Variants in USP39 observed in about 807,000 individuals in gnomAD.
USP39 encodes the protein ubiquitin specific peptidase 39, also known as ubiquitin carboxyl-terminal hydrolase 39.
USP39 carries 38 observed loss-of-function variants against 66.4 expected under a neutral mutation model. The ratio of observed to expected loss-of-function variants is 0.57; its 90% confidence interval spans 0.44 to 0.75. The LOEUF (loss-of-function observed/expected upper bound fraction) is 0.75. Ranked by LOEUF, USP39 falls within the 30% of genes least tolerant of loss-of-function variation. The pLI is 0.00. For synonymous variants in USP39, 303 were observed against 274.6 expected, an observed-to-expected ratio of 1.10 and a Z score of -1.02; for missense variants, 608 against 714.4, an observed-to-expected ratio of 0.85 and a Z score of 1.70.
chr2:85,615,297 G>A (rs771636186), upstream of USP39, among the ~76,000 whole-genome samples: 57 of 152,136 alleles, frequency 3.7e-4, no homozygotes, highest in Middle Eastern at 3.2e-3. Context: ...TGGTATTATA[G>A]GCATGAGCCA....
intron 5 of USP39, among the ~76,000 whole-genome samples, chr2:85,627,187 C>G (rs1674938035): frequency 6.6e-6 from 1 of 151,934 alleles, no homozygotes; most frequent in Non-Finnish European, 1.5e-5. Context: ...ACCTCTGCTC[C>G]CCAGGTTCAA....
At chr2:85,616,720 C>T (rs1262869094) in intron 1 of USP39, among the ~76,000 whole-genome samples, 1 of 146,482 alleles carries the variant, frequency 6.8e-6, no homozygotes, top group Non-Finnish European at 1.5e-5. Flanking sequence ...TTCTGTCACC[C>T]AGGATGGAGT....
chr2:85,627,958 T>C (rs1675002108), intron 5 of USP39, among the ~76,000 whole-genome samples: 1 of 152,176 alleles, frequency 6.6e-6, no homozygotes, highest in South Asian at 2.1e-4. Context: ...TTCTGCTAGT[T>C]CTTATTTGGC....
At position 85,616,251 on chromosome 2, in the gene USP39, C is replaced by G. The variant is rs1673928382; in HGVS notation, c.56C>G (p.Ser19Cys). Residue 19 changes from serine (S) to cysteine (C), a missense_variant, in exon 1 of 13, where the codon TCT (serine) becomes TGT (cysteine). Ser to Cys is a moderately radical substitution (Grantham distance 112, BLOSUM62 -1). Transcript: ENST00000323701. ...SRGSTRGKRE[S>C]ESRGSSGRVK... ...GGTTCCACTCGCGGGAAGCGAGAGT[C>G]TGAGTCGCGGGGCAGCTCCGGTCGC... The G allele has an allele frequency of 2.0e-6, 3 of 1,508,318 alleles. No individual in the cohort carries two copies. The highest frequency in any genetic ancestry group is 2.7e-6 in the Non-Finnish European group (3 of 1,126,264). 93.4% of individuals were successfully genotyped at this position (1,508,318 alleles called of 1,614,324 possible). A position where few individuals can be genotyped will look rare whatever the true frequency, so the allele number is the denominator to read the frequency against.
Position 85,602,976 on chromosome 2 carries a change from T to G in USP39, n.121T>G, listed in dbSNP as rs1251353790. ...GGGGAAGCGTCAGCAGGTGGGGATC[T>G]CGGGGCAGCCTGCATTCCAGCTCTA... On this transcript the variant is annotated non_coding_transcript_exon_variant, in exon 1 of 13. Coordinates refer to the USP39 transcript ENST00000459775. This position sits in a 1 kb window ranked among gnomAD's most constrained non-coding sequence, Gnocchi z 5.6. The G allele has an allele frequency of 6.6e-6, 1 of 152,370 alleles. No homozygotes were observed. Among genetic ancestry groups the G allele is most frequent in the African/African-American group, 2.4e-5 (1 of 41,464 alleles). The allele number at this position is 152,370 out of a possible 1,614,324, so 9.4% of individuals were successfully genotyped here. A position where few individuals can be genotyped will look rare whatever the true frequency, so the allele number is the denominator to read the frequency against.
intron 7 of USP39, among the ~76,000 whole-genome samples, chr2:85,636,620 C>T (rs143348058): frequency 1.3e-4 from 20 of 152,274 alleles, no homozygotes; most frequent in African/African-American, 4.6e-4. Context: ...TCTTCTCCCT[C>T]AGTCTCCCAA....
upstream of USP39, chr2:85,611,971 G>A (rs1038166933): frequency 5.3e-6 from 8 of 1,517,046 alleles, no homozygotes; most frequent in African/African-American, 9.9e-5. Flanking sequence ...CCGGGGATGC[G>A]GCCCCGCCTC....
chr2:85,612,390 C>G, upstream of USP39: 1 of 1,534,976 alleles, frequency 6.5e-7, no homozygotes, highest in South Asian at 1.2e-5. Flanking sequence ...CCATCGCCAT[C>G]TGCGTGACTT....
chr2:85,622,136 T>A (rs908275904), intron 3 of USP39, among the ~76,000 whole-genome samples: 2 of 150,188 alleles, frequency 1.3e-5, no homozygotes, highest in Non-Finnish European at 1.5e-5. Context: ...TTTTTTTTTT[T>A]AAGAGATGGA....
rs367665307 is a variant in USP39 at position 85,622,034 on chromosome 2, G to A, written c.433+455G>A. Among the ~76,000 whole-genome samples the A allele has an allele frequency of 5.0e-4, 76 of 152,042 alleles. 2 individuals are homozygous for A. The South Asian group carries it at 0.011, about 22-fold the overall frequency. ...GGGGTTTCACCATGTTGGCCAGGTT[G>A]GTCTTGAACTCCTGGCCGCAGGTGA... is the stretch of plus-strand genomic sequence containing the variant. On this transcript the variant is annotated intron_variant, in intron 3 of 12. Transcript: ENST00000323701.
chr2:85,646,278 A>T (rs1415882463), intron 11 of USP39: 3 of 152,208 alleles, frequency 2.0e-5, no homozygotes, highest in African/African-American at 7.2e-5. Context: ...TATTAGCATA[A>T]ATTGTTCTCA....
upstream of USP39, chr2:85,608,701 C>CAA (rs5832651): frequency 8.1e-4 from 45 of 55,442 alleles, 1 homozygote; most frequent in South Asian, 3.5e-3. Context: ...ACAAAATCCT[C>CAA]AAAAAAAAAA....
At chr2:85,624,025 T>C (rs1439901365) in intron 4 of USP39, among the ~76,000 whole-genome samples, 1 of 152,180 alleles carries the variant, frequency 6.6e-6, no homozygotes, top group Non-Finnish European at 1.5e-5. Flanking sequence ...TGAAGAAATA[T>C]GGGTGTATTC....
upstream of USP39, chr2:85,608,948 G>A (rs1433612518): frequency 3.1e-6 from 5 of 1,614,086 alleles, no homozygotes; most frequent in Non-Finnish European, 4.2e-6. Context: ...AACATGGTCA[G>A]TGTTGGCTCT....
chr2:85,641,187 A>T, intron 10 of USP39, 69 bp downstream of exon 10: 2 of 1,591,746 alleles, frequency 1.3e-6, no homozygotes, highest in South Asian at 2.3e-5. Flanking sequence ...TATTTTTACC[A>T]GTATTAATTT....
chr2:85,632,656 G>A (rs1176556443), intron 6 of USP39, among the ~76,000 whole-genome samples: 1 of 151,992 alleles, frequency 6.6e-6, no homozygotes, highest in African/African-American at 2.4e-5. Context: ...CATCGTGTTA[G>A]CCAGGCAGGT....
intron 10 of USP39, among the ~76,000 whole-genome samples, chr2:85,641,907 T>TAAA (rs759697072): frequency 4.4e-5 from 4 of 91,292 alleles, no homozygotes; most frequent in African/African-American, 1.2e-4. Context: ...GTGACTGTGC[T>TAAA]AAAAAAAAAA....
In USP39 at chr2:85,625,684, T is replaced by A; in HGVS notation, c.716T>A (p.Val239Asp). 1 of 1,612,696 alleles carries A rather than the reference T, an allele frequency of 6.2e-7. No individual in the cohort carries two copies. The highest frequency in any genetic ancestry group is 8.5e-7 in the Non-Finnish European group (1 of 1,179,082). ...AAGGCCAATGATTATGCCAACGCTG[T>A]CCTTCAGGTAAGATCAAGACGGGAA... ...NIKANDYANA[V>D]LQALSNVPPL... The change falls in exon 5 of 13, where the codon GTC becomes GAC. Residue 239 changes from valine (V) to aspartate (D), a missense_variant. This residue lies in a region of USP39 where 115 missense variants were observed against 198.6 expected (regional missense o/e 0.58). Coordinates refer to ENST00000323701, the MANE Select transcript of USP39 (RefSeq NM_006590.4).
intron 6 of USP39, 38 bp from the exon 7 acceptor site, chr2:85,636,015 C>G (rs1268830735): frequency 6.2e-7 from 1 of 1,603,438 alleles, no homozygotes; most frequent in Non-Finnish European, 8.5e-7. Context: ...TCTAATGCCA[C>G]TTAGCTTCAA....
Sources: gnomAD v4.1 joint callset for allele counts (sites outside exome capture counted in the v4.1 genomes callset) on GRCh38, gnomAD v4.1.1 for gene constraint, gnomAD v4.1.1 regional missense constraint, Gnocchi (gnomAD v3.1) non-coding constraint, MANE v1.5 for transcripts, NCBI Gene and HGNC (gene_info 2026-07-23, HGNC 2026-07-21) for gene names.